Variants in ZBTB20 observed in about 807,000 individuals in gnomAD.
The protein encoded by ZBTB20 is zinc finger and BTB domain-containing protein 20.
A neutral mutation model predicts 56.9 loss-of-function variants in ZBTB20; 9 were observed. The observed-to-expected ratio is 0.16, with a 90% CI of 0.10 to 0.28. ZBTB20 has a LOEUF of 0.28. ZBTB20 is among the 10% of genes least tolerant of loss of function. The probability of loss-of-function intolerance (pLI) is 1.00; values close to 1 mark genes in which losing one functional copy is unlikely to be tolerated. For missense variants in ZBTB20, 655 were observed against 1,003.0 expected, an observed-to-expected ratio of 0.65 and a Z score of 4.69; for synonymous variants, 417 against 420.7, an observed-to-expected ratio of 0.99 and a Z score of 0.11.
intron 3 of ZBTB20, among the ~76,000 whole-genome samples, chr3:114,903,476 C>T (rs4682165): frequency 0.41 from 62,516 of 151,680 alleles, 14,216 homozygotes; most frequent in East Asian, 0.79. Context: ...CATCACCCTA[C>T]AGTCCAGCAG....
intron 6 of ZBTB20, among the ~76,000 whole-genome samples, chr3:114,653,265 T>C (rs573308523): frequency 3.9e-5 from 6 of 151,950 alleles, no homozygotes; most frequent in Non-Finnish European, 5.9e-5. Context: ...GTATTAATTA[T>C]ATGTTTTCAT....
intron 6 of ZBTB20, among the ~76,000 whole-genome samples, chr3:114,677,650 A>T (rs781703537): frequency 6.6e-6 from 1 of 152,184 alleles, no homozygotes; most frequent in African/African-American, 2.4e-5. Flanking sequence ...CCCAGACAAT[A>T]TCACTCATTC....
At position 114,472,260 on chromosome 3, in the gene ZBTB20, C is replaced by T. The variant is rs577418083; in HGVS notation, c.-255+28092G>A. Among the ~76,000 whole-genome samples, 176 of 152,236 alleles carry T rather than the reference C, an allele frequency of 1.2e-3. 2 individuals are homozygous for T. Among genetic ancestry groups the T allele is most frequent in the African/African-American group, 4.0e-3 (167 of 41,540 alleles). On this transcript the variant is annotated intron_variant, in intron 7 of 11. Transcript: ENST00000675478. ...AACATACTTGTTGAGCAAAATGGGA[C>T]GTCAAAATTTTGCCTGGAAGTTGGA... is the stretch of plus-strand genomic sequence containing the variant.
At chr3:114,945,134 C>CAT (rs965530080) in intron 3 of ZBTB20, among the ~76,000 whole-genome samples, 3 of 144,834 alleles carry the variant, frequency 2.1e-5, no homozygotes, top group South Asian at 2.1e-4. Context: ...TAAAGCAAAA[C>CAT]ATATATATAC....
intron 5 of ZBTB20, among the ~76,000 whole-genome samples, chr3:114,773,209 T>G (rs1474296654): frequency 6.6e-6 from 1 of 152,186 alleles, no homozygotes; most frequent in Non-Finnish European, 1.5e-5. Context: ...TTTGGCCTTG[T>G]AAAGCCTACA....
intron 6 of ZBTB20, among the ~76,000 whole-genome samples, chr3:114,677,881 T>C (rs1374659766): frequency 6.6e-6 from 1 of 152,198 alleles, no homozygotes; most frequent in Non-Finnish European, 1.5e-5. Flanking sequence ...ATTCCTTCTT[T>C]TAAATCAAAG....
At chr3:114,393,921 C>T (rs547577281) in intron 7 of ZBTB20, among the ~76,000 whole-genome samples, 120 of 152,292 alleles carry the variant, frequency 7.9e-4, no homozygotes, top group African/African-American at 2.8e-3. Flanking sequence ...GTCTTGGAAG[C>T]CCTTAGAGAG....
intron 6 of ZBTB20, among the ~76,000 whole-genome samples, chr3:114,652,255 C>T (rs897445816): frequency 6.6e-6 from 1 of 152,006 alleles, no homozygotes; most frequent in African/African-American, 2.4e-5. Flanking sequence ...AATAGTTTCG[C>T]CTTCACATAA....
intron 4 of ZBTB20, among the ~76,000 whole-genome samples, chr3:114,819,476 C>T (rs1214155291): frequency 6.6e-6 from 1 of 151,612 alleles, no homozygotes; most frequent in Admixed American, 6.6e-5. Flanking sequence ...AATATAGAAC[C>T]GGTGAAAGAA....
chr3:114,846,368 A>T (rs1288289522), intron 4 of ZBTB20, among the ~76,000 whole-genome samples: 1 of 152,130 alleles, frequency 6.6e-6, no homozygotes. Flanking sequence ...TCCACAACAG[A>T]CTAAATGCTG....
chr3:114,508,608 T>C (rs1465482403), intron 6 of ZBTB20, among the ~76,000 whole-genome samples: 1 of 152,156 alleles, frequency 6.6e-6, no homozygotes, highest in Non-Finnish European at 1.5e-5. Flanking sequence ...AGATGGACTT[T>C]GGCTTTTAAA....
At chr3:114,426,337 CAAAAAAA>C (rs60778829) in intron 7 of ZBTB20, among the ~76,000 whole-genome samples, 3 of 109,544 alleles carry the variant, frequency 2.7e-5, no homozygotes, top group African/African-American at 1.3e-4. Flanking sequence ...GACTCCATCT[CAAAAAAA>C]AAAAAAAAAA....
intron 5 of ZBTB20, among the ~76,000 whole-genome samples, chr3:114,779,260 TCATAGTGC>T (rs1434627179): frequency 6.6e-6 from 1 of 152,212 alleles, no homozygotes; most frequent in African/African-American, 2.4e-5. Flanking sequence ...ATGCAGATTT[TCATAGTGC>T]CATATAATTA....
chr3:114,472,565 G>A lies in ZBTB20; in HGVS notation c.-255+27787C>T, dbSNP rs573414431. Among the ~76,000 whole-genome samples the A allele has an allele frequency of 3.9e-5, 6 of 152,236 alleles. No individual in the cohort carries two copies. In the South Asian group the frequency reaches 8.3e-4, roughly 21 times the overall value. ...TCTTTACTAAATATAAAACTTAGCC[G>A]GGCGTGGTGGTGCAGGCCTGTAATC... On this transcript the variant is annotated intron_variant, in intron 7 of 11. Coordinates refer to ENST00000675478, the MANE Select transcript of ZBTB20 (RefSeq NM_001348800.3).
chr3:114,495,092 G>A (rs1357627904), intron 7 of ZBTB20, among the ~76,000 whole-genome samples: 2 of 151,956 alleles, frequency 1.3e-5, no homozygotes, highest in Non-Finnish European at 2.9e-5. Context: ...CATTCCTTTT[G>A]GAACTTAGTC....
At chr3:114,481,342 TA>T (rs1253218578) in intron 7 of ZBTB20, among the ~76,000 whole-genome samples, 1 of 151,784 alleles carries the variant, frequency 6.6e-6, no homozygotes, top group Non-Finnish European at 1.5e-5. Flanking sequence ...ACACGCATCC[TA>T]CTACTCTAGT....
At chr3:114,503,814 G>C (rs747586769) in intron 6 of ZBTB20, among the ~76,000 whole-genome samples, 1 of 152,110 alleles carries the variant, frequency 6.6e-6, no homozygotes. Flanking sequence ...CAATCTCCAA[G>C]AATCAAAAAT....
chr3:115,044,389 T>C (rs932810456), intron 2 of ZBTB20, among the ~76,000 whole-genome samples: 2 of 152,234 alleles, frequency 1.3e-5, no homozygotes, highest in African/African-American at 2.4e-5. Flanking sequence ...GTATCAGGCA[T>C]ACTTTTTTCC....
intron 7 of ZBTB20, among the ~76,000 whole-genome samples, chr3:114,438,108 G>A (rs1416926231): frequency 6.6e-6 from 1 of 152,078 alleles, no homozygotes; most frequent in Non-Finnish European, 1.5e-5. Flanking sequence ...TAAAAGGATT[G>A]ATCTGAGCTG....
Sources: gnomAD v4.1 joint callset for allele counts (sites outside exome capture counted in the v4.1 genomes callset) on GRCh38, gnomAD v4.1.1 for gene constraint, MANE v1.5 for transcripts, NCBI Gene and HGNC (gene_info 2026-07-23, HGNC 2026-07-21) for gene names.